Variants in FAT2 observed in about 807,000 individuals in gnomAD.
FAT2 encodes the protein FAT atypical cadherin 2.
Under a neutral mutation model 295.3 loss-of-function variants are expected in FAT2, and 150 were observed. That is an observed-to-expected ratio of 0.51 (90% CI 0.44 to 0.58). The LOEUF (loss-of-function observed/expected upper bound fraction) is 0.58. Among genes scored for constraint, FAT2 ranks in the 20% least tolerant of loss-of-function variants. FAT2 has a pLI of 0.00. For missense variants in FAT2, 4,868 were observed against 5,442.7 expected, an observed-to-expected ratio of 0.89 and a Z score of 3.32; for synonymous variants, 2,026 against 2,150.3, an observed-to-expected ratio of 0.94 and a Z score of 1.60.
At chr5:151,546,401 A>G in intron 9 of FAT2, 64 bp from the exon 10 acceptor site, 1 of 1,254,884 alleles carries the variant, frequency 8.0e-7, no homozygotes, top group Non-Finnish European at 1.1e-6. Context: ...TAGGCTTTCT[A>G]GATCAGTAAA....
In FAT2 at chr5:151,544,779, G is replaced by A. The variant is rs77938019; in HGVS notation, c.6348C>T (p.Phe2116=). 27,483 of 1,614,138 alleles carry A rather than the reference G, an allele frequency of 0.017. 292 individuals carry two copies. Among genetic ancestry groups the A allele is most frequent in the Non-Finnish European group, 0.019 (22,756 of 1,180,028 alleles). The change falls in exon 10 of 24, where the codon TTC becomes TTT. Residue 2116 remains phenylalanine (F), a synonymous_variant. Coordinates refer to ENST00000261800, the MANE Select transcript of FAT2 (RefSeq NM_001447.3). ...TGTCCCCAAGATAGGGGTCAATTCG[G>A]AAATATGTGTAATCTTCTGCAAATT... The part of the protein sequence containing the change: ...TYEFAEDYTY[F]RIDPYLGDIS...
At chr5:151,533,475 G>C (rs143819812) in intron 13 of FAT2, among the ~76,000 whole-genome samples, 2 of 150,626 alleles carry the variant, frequency 1.3e-5, no homozygotes, top group African/African-American at 4.9e-5. Flanking sequence ...TGTGTTGACT[G>C]TTTGCCCTCC....
chr5:151,589,987 A>G (rs912836894), intron 1 of FAT2, among the ~76,000 whole-genome samples: 3 of 152,242 alleles, frequency 2.0e-5, no homozygotes, highest in African/African-American at 7.2e-5. Flanking sequence ...CAGAGAGGTA[A>G]GAAACCGTCC....
chr5:151,589,463 A>T (rs1330726610), intron 1 of FAT2, among the ~76,000 whole-genome samples: 1 of 152,168 alleles, frequency 6.6e-6, no homozygotes, highest in East Asian at 1.9e-4. Context: ...CAGAAGTCTA[A>T]CATGTACTCT....
intron 18 of FAT2, among the ~76,000 whole-genome samples, chr5:151,523,157 C>T (rs1206509291): frequency 6.6e-6 from 1 of 151,958 alleles, no homozygotes. Flanking sequence ...GATAAGATTA[C>T]ACCTACTGCT....
Position 151,568,849 on chromosome 5 carries a change from G to T in FAT2, c.83C>A (p.Ser28Tyr), listed in dbSNP as rs750925126. 9 of 1,614,064 alleles carry T rather than the reference G, an allele frequency of 5.6e-6. No individual in the cohort carries two copies. In the South Asian group the frequency reaches 9.9e-5, roughly 18 times the overall value. The change falls in exon 2 of 24, where the codon TCC (serine) becomes TAC (tyrosine). Residue 28 changes from serine to tyrosine, a missense_variant. This residue lies in a region of FAT2 where 3,297 missense variants were observed against 3,669.4 expected (regional missense o/e 0.90). Transcript: ENST00000261800. ...GGAGTGTGTGAAGTGCCAAGCAGAG[G>T]AGGAGAGAATCCCTTCTAGAGGCTT... is the stretch of plus-strand genomic sequence containing the variant. ...CEKPLEGILS[S>Y]SAWHFTHSHY... is the part of the protein sequence containing the mutation.
chr5:151,527,884 G>C, intron 16 of FAT2, 112 bp downstream of exon 16: 1 of 1,389,378 alleles, frequency 7.2e-7, no homozygotes, highest in Non-Finnish European at 9.9e-7. Flanking sequence ...TTCTGGGAAG[G>C]TCTGAGGAAG....
chr5:151,507,894 T>C (rs1223163447), intron 22 of FAT2, among the ~76,000 whole-genome samples: 1 of 152,196 alleles, frequency 6.6e-6, no homozygotes, highest in Admixed American at 6.5e-5. Flanking sequence ...CTCTCTATCA[T>C]GAGGTCGGAT....
At chr5:151,584,023 A>AC (rs70976019) in intron 1 of FAT2, among the ~76,000 whole-genome samples, 1 of 143,042 alleles carries the variant, frequency 7.0e-6, no homozygotes, top group Non-Finnish European at 1.5e-5. Context: ...AAAAAAAAAA[A>AC]GTTTTTTTTA....
At position 151,565,999 on chromosome 5, in the gene FAT2, G is replaced by A. The variant is rs1758242648; in HGVS notation, c.2933C>T (p.Thr978Ile). 6.2e-7 allele frequency: 1 copy of A among 1,614,118 alleles called. No homozygotes were observed. The highest frequency in any genetic ancestry group is 8.5e-7 in the Non-Finnish European group (1 of 1,180,026). Reference sequence around the variant, plus strand: ...CTCTCTCTCCAGAATGAGCGCCCCTGTCATCAGGTCCACCCGGAAGGTCCC... The same window carrying A: ...CTCTCTCTCCAGAATGAGCGCCCCTATCATCAGGTCCACCCGGAAGGTCCC... ...AHGTFRVDLM[T>I]GALILERELD... Residue 978 changes from threonine (T) to isoleucine (I), a missense_variant, in exon 2 of 24, where the codon ACA becomes ATA. This residue lies in a region of FAT2 where 3,297 missense variants were observed against 3,669.4 expected (regional missense o/e 0.90). Coordinates refer to ENST00000261800, the MANE Select transcript of FAT2 (RefSeq NM_001447.3).
At chr5:151,580,726 G>A (rs1485286063) in intron 1 of FAT2, among the ~76,000 whole-genome samples, 1 of 152,192 alleles carries the variant, frequency 6.6e-6, no homozygotes, top group African/African-American at 2.4e-5. Flanking sequence ...TTGAAGAGGG[G>A]GCAGAGGGTG....
Position 151,507,665 on chromosome 5 carries a change from C to T in FAT2, c.12060-54G>A, listed in dbSNP as rs148911050. Reference sequence around the variant, plus strand: ...AGTCATGAAATTGCCCTTTCCATGTCCCCTCTTACAGAGATCTATGGGATA... The same window carrying T: ...AGTCATGAAATTGCCCTTTCCATGTTCCCTCTTACAGAGATCTATGGGATA... On this transcript the variant is annotated intron_variant, in intron 22 of 23. Coordinates refer to ENST00000261800, the MANE Select transcript of FAT2 (RefSeq NM_001447.3). The T allele has an allele frequency of 4.9e-3, 7,263 of 1,484,800 alleles. 32 individuals are homozygous for T. Among genetic ancestry groups the T allele is most frequent in the Non-Finnish European group, 6.0e-3 (6,578 of 1,100,576 alleles). The allele number at this position is 1,484,800 out of a possible 1,614,324, so 92.0% of individuals were successfully genotyped here.
chr5:151,557,938 G>A (rs140408826), intron 3 of FAT2, among the ~76,000 whole-genome samples: 41 of 152,212 alleles, frequency 2.7e-4, no homozygotes, highest in African/African-American at 9.6e-4. Flanking sequence ...CCAGCCTCAG[G>A]TTCCTTACAG....
chr5:151,550,734 G>A lies in FAT2; in HGVS notation c.4434C>T (p.Gly1478=), dbSNP rs369355712. The A allele has an allele frequency of 2.7e-5, 43 of 1,614,020 alleles. No homozygotes were observed. Among genetic ancestry groups the A allele is most frequent in the Admixed American group, 3.3e-5 (2 of 59,994 alleles). The change falls in exon 8 of 24, where the codon GGC becomes GGT. Residue 1478 remains glycine (G), a synonymous_variant. Coordinates refer to ENST00000261800, the MANE Select transcript of FAT2 (RefSeq NM_001447.3). ...CATGTATGGTATAGATGAGGCTTTTGCCCTTGTCTTGATCTATGGCCTGGA... is the reference window on the plus strand; with the variant it reads ...CATGTATGGTATAGATGAGGCTTTTACCCTTGTCTTGATCTATGGCCTGGA... ...LRVQAIDQDK[G]KSLIYTIHGS...
intron 7 of FAT2, 43 bp from the exon 8 acceptor site, chr5:151,550,914 G>A (rs2127622431): frequency 1.3e-6 from 2 of 1,590,610 alleles, no homozygotes; most frequent in South Asian, 1.1e-5. Flanking sequence ...CAAGCCCCAG[G>A]GGAACAGGGA....
In FAT2 at chr5:151,544,220, G is replaced by A. The variant is rs201714112; in HGVS notation, c.6907C>T (p.Arg2303Trp). The change falls in exon 10 of 24, where the codon CGG becomes TGG. Residue 2303 changes from arginine to tryptophan, a missense_variant. Physicochemically the swap from Arg to Trp is moderately radical, Grantham distance 101 (BLOSUM62 -3). This residue lies in a region of FAT2 where 3,297 missense variants were observed against 3,669.4 expected (regional missense o/e 0.90). Transcript: ENST00000261800. The part of the protein sequence containing the change: ...QLLASDQDSG[R>W]NRDVSYQIVE... Reference sequence around the variant, plus strand: ...ATCTGATAAGAGACGTCACGGTTCCGCCCTGAGTCCTGGTCAGAAGCCAAC... The same window carrying A: ...ATCTGATAAGAGACGTCACGGTTCCACCCTGAGTCCTGGTCAGAAGCCAAC... The A allele has an allele frequency of 1.5e-4, 237 of 1,614,046 alleles. No individual in the cohort carries two copies. Among genetic ancestry groups the A allele is most frequent in the Non-Finnish European group, 1.9e-4 (219 of 1,180,032 alleles).
intron 1 of FAT2, among the ~76,000 whole-genome samples, chr5:151,570,106 A>G (rs957013491): frequency 1.3e-5 from 2 of 152,252 alleles, no homozygotes; most frequent in African/African-American, 4.8e-5. Context: ...AATGTCAGCC[A>G]TTATTGATAA....
At chr5:151,586,289 T>C (rs1759164948) in intron 1 of FAT2, among the ~76,000 whole-genome samples, 1 of 152,304 alleles carries the variant, frequency 6.6e-6, no homozygotes, top group Non-Finnish European at 1.5e-5. Context: ...TGGAGCCAAA[T>C]GGGAACCAGA....
rs747011618 is a variant in FAT2, at chr5:151,525,890, AG to A, written c.10383del (p.Tyr3462ThrfsTer16). The A allele has an allele frequency of 1.2e-6, 2 of 1,613,916 alleles. No homozygotes were observed. The highest frequency in any genetic ancestry group is 1.7e-6 in the Non-Finnish European group (2 of 1,180,002). On this transcript the variant is annotated frameshift_variant, in exon 18 of 24. Transcript: ENST00000261800. LOFTEE classifies it high-confidence loss of function. The part of the protein sequence containing the change: ...SDPDSPENGP[P>X]YSFRITKGNN... ...TTCCCCTTGGTGATTCGAAACGAGT[AG>A]GGGGGGCCATTCTCTGGAGAATCTG...
Sources: gnomAD v4.1 joint callset for allele counts (sites outside exome capture counted in the v4.1 genomes callset) on GRCh38, gnomAD v4.1.1 for gene constraint, gnomAD v4.1.1 regional missense constraint, MANE v1.5 for transcripts, NCBI Gene and HGNC (gene_info 2026-07-23, HGNC 2026-07-21) for gene names.